The following IFT70B variants were observed in gnomAD, a reference collection of about 807,000 sequenced individuals.
IFT70B encodes the protein intraflagellar transport 70B, also known as intraflagellar transport protein 70B.
chr2:177,552,119 A>G, the IFT70B span: 1 of 1,614,226 alleles, frequency 6.2e-7, no homozygotes. Context: ...TGCCACGCTC[A>G]ATAATCTCAG....
At chr2:177,550,474 C>T in the IFT70B span, 1 of 245,852 alleles carries the variant, frequency 4.1e-6, no homozygotes, top group Non-Finnish European at 7.8e-6. Context: ...AAAGACCCCT[C>T]AAGATACGTC....
the IFT70B span, chr2:177,550,736 C>G: frequency 1.3e-6 from 2 of 1,526,408 alleles, no homozygotes; most frequent in Non-Finnish European, 1.8e-6. Context: ...CATAACAAAG[C>G]CATTTGATAA....
chr2:177,550,974 A>G, the IFT70B span: 3 of 1,614,130 alleles, frequency 1.9e-6, no homozygotes, highest in Admixed American at 1.7e-5. Flanking sequence ...GTGTTTTGAC[A>G]TGTTTTCTAA....
chr2:177,552,496 A>T, the IFT70B span: 3 of 1,609,270 alleles, frequency 1.9e-6, no homozygotes, highest in Non-Finnish European at 2.5e-6. Context: ...CAGGCCTTGT[A>T]CAGGGCCTGG....
At chr2:177,552,642 C>G in the IFT70B span, 1 of 1,589,968 alleles carries the variant, frequency 6.3e-7, no homozygotes. Flanking sequence ...GCTCCTAGGG[C>G]TCCGCTGCAG....
the IFT70B span, chr2:177,550,494 AAG>A: frequency 3.5e-6 from 1 of 286,088 alleles, no homozygotes; most frequent in Non-Finnish European, 6.5e-6. Context: ...CAAAGCACAA[AAG>A]ATAACAGAGG....
chr2:177,551,676 T>G, the IFT70B span: 1 of 1,614,212 alleles, frequency 6.2e-7, no homozygotes, highest in South Asian at 1.1e-5. Flanking sequence ...GATCACAGCG[T>G]CCAAGAAGTC....
At chr2:177,552,749 G>A in the IFT70B span, 7 of 1,569,270 alleles carry the variant, frequency 4.5e-6, no homozygotes, top group Non-Finnish European at 5.2e-6. Context: ...TCTGCGCGCC[G>A]CTCAGGCCAG....
At chr2:177,552,492 T>G in the IFT70B span, 982 of 1,609,768 alleles carry the variant, frequency 6.1e-4, 5 homozygotes, top group Middle Eastern at 6.8e-3. Flanking sequence ...AAGGCAGGCC[T>G]TGTACAGGGC....
At chr2:177,551,883 G>A in the IFT70B span, 8 of 1,614,206 alleles carry the variant, frequency 5.0e-6, no homozygotes, top group Non-Finnish European at 5.9e-6. Context: ...GTTCATTAGT[G>A]CCTGGTTGTG....
chr2:177,551,608 G>A, the IFT70B span: 8 of 1,614,202 alleles, frequency 5.0e-6, no homozygotes, highest in Middle Eastern at 1.2e-3. Flanking sequence ...ACCTCAGTCA[G>A]CATCCCTGCT....
At chr2:177,550,229 C>A in the IFT70B span, 20 of 152,152 alleles carry the variant, frequency 1.3e-4, no homozygotes, top group Non-Finnish European at 2.8e-4. Context: ...TTTTTACTGA[C>A]TTTTGCACGT....
the IFT70B span, chr2:177,552,755 G>A: frequency 2.0e-5 from 32 of 1,562,416 alleles, no homozygotes; most frequent in Non-Finnish European, 2.4e-5. Context: ...CGCCGCTCAG[G>A]CCAGCCATAA....
chr2:177,552,372 C>T, the IFT70B span: 11 of 1,614,042 alleles, frequency 6.8e-6, no homozygotes, highest in Non-Finnish European at 8.5e-6. Flanking sequence ...GCTCCTGGAC[C>T]CTGGCAGATC....
the IFT70B span, chr2:177,552,102 T>C: frequency 2.5e-6 from 4 of 1,614,138 alleles, no homozygotes; most frequent in Non-Finnish European, 8.5e-7. Flanking sequence ...CTCAGGGTGC[T>C]GGCGGATGCC....
the IFT70B span, chr2:177,550,813 TAG>T: frequency 1.2e-6 from 2 of 1,613,904 alleles, no homozygotes; most frequent in Non-Finnish European, 1.7e-6. Flanking sequence ...TTTAACTGCC[TAG>T]ACTCATATGT....
At chr2:177,550,660 G>T in the IFT70B span, 1 of 1,011,580 alleles carries the variant, frequency 9.9e-7, no homozygotes, top group South Asian at 1.8e-5. Flanking sequence ...TAATGCATAA[G>T]TGTACAAAGT....
At chr2:177,551,124 T>C in the IFT70B span, 1 of 1,614,156 alleles carries the variant, frequency 6.2e-7, no homozygotes, top group Non-Finnish European at 8.5e-7. Flanking sequence ...TATCACCAAA[T>C]TCACAATGCA....
the IFT70B span, chr2:177,551,671 C>T: frequency 1.9e-6 from 3 of 1,614,192 alleles, no homozygotes; most frequent in South Asian, 2.2e-5. Flanking sequence ...CAAGTGATCA[C>T]AGCGTCCAAG....
Sources: gnomAD v4.1 joint callset for allele counts on GRCh38, gnomAD v4.1.1 for gene constraint, MANE v1.5 for transcripts, NCBI Gene and HGNC (gene_info 2026-07-23, HGNC 2026-07-21) for gene names.